TNRC6B: variants seen among roughly 807,000 people sequenced by gnomAD.
TNRC6B encodes the protein trinucleotide repeat-containing gene 6B protein.
Under a neutral mutation model 203.6 loss-of-function variants are expected in TNRC6B, and 52 were observed. The observed-to-expected ratio is 0.26, with a 90% CI of 0.20 to 0.32. The LOEUF (loss-of-function observed/expected upper bound fraction) is 0.32. Ranked by LOEUF, TNRC6B falls within the 10% of genes least tolerant of loss-of-function variation. The pLI, the probability that TNRC6B is intolerant of heterozygous loss-of-function variation, is 1.00. For synonymous variants in TNRC6B, 838 were observed against 845.7 expected, an observed-to-expected ratio of 0.99 and a Z score of 0.16; for missense variants, 1,923 against 2,286.2, an observed-to-expected ratio of 0.84 and a Z score of 3.24.
chr22:40,208,119 AAAAAAAAAAAAAAC>A lies in TNRC6B; in HGVS notation c.5+29987_5+30000del, dbSNP rs1378595459. ...AGAGTGGGACTCCATCTCAAAAAAA[AAAAAAAAAAAAAAC>A]AAAAAAACAAGAAAAAAACAAGTTT... On this transcript the variant is annotated intron_variant, in intron 1 of 22. Coordinates refer to ENST00000454349, the MANE Select transcript of TNRC6B (RefSeq NM_001162501.2). Among the ~76,000 whole-genome samples the A allele has an allele frequency of 2.3e-3, 341 of 149,882 alleles. 2 individuals are homozygous for A. Among genetic ancestry groups the A allele is most frequent in the Middle Eastern group, 6.8e-3 (2 of 292 alleles).
chr22:40,261,665 C>T (rs568047161), intron 3 of TNRC6B, among the ~76,000 whole-genome samples, 167 bp from the exon 4 acceptor site: 3 of 152,184 alleles, frequency 2.0e-5, no homozygotes, highest in African/African-American at 7.2e-5. Flanking sequence ...AATTCTAGCA[C>T]TTTGGAAAGC....
chr22:40,311,748 G>A (rs987024794), intron 17 of TNRC6B, among the ~76,000 whole-genome samples: 8 of 152,090 alleles, frequency 5.3e-5, no homozygotes, highest in African/African-American at 1.7e-4. Context: ...TCGCCATGTT[G>A]GACAGGCTGT....
At chr22:40,256,652 G>A (rs1296465516) in intron 3 of TNRC6B, among the ~76,000 whole-genome samples, 1 of 152,164 alleles carries the variant, frequency 6.6e-6, no homozygotes, top group Non-Finnish European at 1.5e-5. Context: ...CCCCACAAGT[G>A]CAGAGTTGAG....
chr22:40,307,885 G>A (rs544204993), intron 15 of TNRC6B, among the ~76,000 whole-genome samples: 3 of 152,066 alleles, frequency 2.0e-5, no homozygotes, highest in South Asian at 2.1e-4. Flanking sequence ...AAAAAGATCC[G>A]AACTCCTTGG....
chr22:40,196,835 G>A (rs963404207), intron 1 of TNRC6B, among the ~76,000 whole-genome samples: 1 of 152,004 alleles, frequency 6.6e-6, no homozygotes, highest in South Asian at 2.1e-4. Context: ...GGCTCTGGTC[G>A]GGGGGAAGGG....
chr22:40,211,966 C>G (rs2069570587), intron 1 of TNRC6B, among the ~76,000 whole-genome samples: 1 of 152,168 alleles, frequency 6.6e-6, no homozygotes, highest in Admixed American at 6.5e-5. Flanking sequence ...GATAGTCTTT[C>G]TTATTTCAAA....
intron 1 of TNRC6B, among the ~76,000 whole-genome samples, chr22:40,214,484 G>A (rs1349579968): frequency 1.3e-5 from 2 of 151,988 alleles, no homozygotes; most frequent in Non-Finnish European, 2.9e-5. Flanking sequence ...ATTACCATTA[G>A]GGGAAACTGG....
intron 4 of TNRC6B, among the ~76,000 whole-genome samples, chr22:40,169,466 G>A (rs1432438986): frequency 2.0e-5 from 3 of 151,920 alleles, no homozygotes; most frequent in African/African-American, 2.4e-5. Context: ...TTGGCCTTAC[G>A]ATATTTCATT....
intron 15 of TNRC6B, among the ~76,000 whole-genome samples, chr22:40,304,515 C>A (rs563516485): frequency 6.6e-6 from 1 of 152,222 alleles, no homozygotes; most frequent in South Asian, 2.1e-4. Flanking sequence ...GGAACATATA[C>A]TTTAAAAGAA....
chr22:40,258,248 A>G (rs1453761744), intron 3 of TNRC6B, among the ~76,000 whole-genome samples: 1 of 152,024 alleles, frequency 6.6e-6, no homozygotes, highest in Admixed American at 6.6e-5. Flanking sequence ...AAGATTCAGA[A>G]AAGAGACAGC....
chr22:40,213,928 A>G (rs1180367960), intron 1 of TNRC6B, among the ~76,000 whole-genome samples: 1 of 152,226 alleles, frequency 6.6e-6, no homozygotes, highest in Admixed American at 6.5e-5. Flanking sequence ...CCTTAAAAAA[A>G]TAATGTAGAC....
intron 12 of TNRC6B, among the ~76,000 whole-genome samples, chr22:40,299,827 G>T (rs929585820): frequency 1.3e-5 from 2 of 152,190 alleles, no homozygotes; most frequent in Non-Finnish European, 2.9e-5. Context: ...CATCTTAGAG[G>T]AGCAAACCAA....
chr22:40,301,445 A>G, intron 15 of TNRC6B, 112 bp downstream of exon 15: 7 of 1,149,032 alleles, frequency 6.1e-6, no homozygotes, highest in Non-Finnish European at 8.5e-6. Context: ...CAAGGTAGGT[A>G]AATATTCTTA....
At chr22:40,201,111 C>T (rs1374554564) in intron 1 of TNRC6B, among the ~76,000 whole-genome samples, 1 of 152,214 alleles carries the variant, frequency 6.6e-6, no homozygotes, top group Non-Finnish European at 1.5e-5. Flanking sequence ...GTAGCTCCCA[C>T]TGAGGGACGT....
intron 6 of TNRC6B, among the ~76,000 whole-genome samples, chr22:40,270,608 G>A (rs1391027786): frequency 2.0e-5 from 3 of 152,046 alleles, no homozygotes; most frequent in African/African-American, 4.8e-5. Flanking sequence ...GTGAGCCACC[G>A]TGCCCGGCCG....
At chr22:40,057,977 T>TA (rs1337906232) in intron 1 of TNRC6B, among the ~76,000 whole-genome samples, 5 of 152,220 alleles carry the variant, frequency 3.3e-5, no homozygotes, top group African/African-American at 1.2e-4. Flanking sequence ...CATCTACTCT[T>TA]TAGTCAATTT....
intron 1 of TNRC6B, among the ~76,000 whole-genome samples, chr22:40,047,659 CA>C (rs2067702889): frequency 6.6e-6 from 1 of 151,986 alleles, no homozygotes; most frequent in Non-Finnish European, 1.5e-5. Context: ...AAATTAATAA[CA>C]TTTTTGCAAA....
intron 4 of TNRC6B, among the ~76,000 whole-genome samples, chr22:40,162,181 C>T (rs952957171): frequency 1.2e-4 from 18 of 152,184 alleles, no homozygotes; most frequent in Admixed American, 5.9e-4. Context: ...ACTGCAACCT[C>T]AACCTCCCAG....
At chr22:40,311,693 T>TA (rs2146564476) in intron 17 of TNRC6B, among the ~76,000 whole-genome samples, 1 of 152,154 alleles carries the variant, frequency 6.6e-6, no homozygotes, top group Non-Finnish European at 1.5e-5. Context: ...AGGCGCCTGC[T>TA]ACCACGCCTG....
Sources: allele counts gnomAD v4.1 joint callset (sites outside exome capture counted in the v4.1 genomes callset), GRCh38; gene constraint gnomAD v4.1.1; transcripts MANE v1.5; gene names NCBI Gene and HGNC (gene_info 2026-07-23, HGNC 2026-07-21).